The following MAGI2 variants were observed in gnomAD, a reference collection of about 807,000 sequenced individuals.
MAGI2 encodes membrane associated guanylate kinase, WW and PDZ domain containing 2, also known as membrane-associated guanylate kinase, WW and PDZ domain-containing protein 2.
Under a neutral mutation model 133.3 loss-of-function variants are expected in MAGI2, and 35 were observed. The ratio of observed to expected loss-of-function variants is 0.26; its 90% CI spans 0.20 to 0.35. MAGI2 has a LOEUF of 0.35. Among genes scored for constraint, MAGI2 ranks in the 10% least tolerant of loss-of-function variants. MAGI2 has a pLI of 1.00. For synonymous variants in MAGI2, 729 were observed against 710.6 expected, an observed-to-expected ratio of 1.03 and a Z score of -0.41; for missense variants, 1,636 against 1,863.4, an observed-to-expected ratio of 0.88 and a Z score of 2.25.
intron 4 of MAGI2, among the ~76,000 whole-genome samples, chr7:78,503,131 T>C (rs779208451): frequency 9.9e-5 from 15 of 152,056 alleles, no homozygotes; most frequent in Non-Finnish European, 1.8e-4. Flanking sequence ...GTAACATCTA[T>C]AGTAACTTGA....
At position 78,127,339 on chromosome 7, in the gene MAGI2, G is replaced by T; in HGVS notation, c.3281C>A (p.Pro1094His). ...TGGGGGTTGCCTGTAATCCAGCGGG[G>T]GCTGCCTGTAGTCTGTGAATGGAGG... ...RQPPFTDYRQ[P>H]PLDYRQPPGG... The change falls in exon 19 of 22, where the codon CCC (proline) becomes CAC (histidine). Residue 1094 changes from proline (P) to histidine (H), a missense_variant. Pro to His is a moderately conservative substitution (Grantham distance 77). Transcript: ENST00000354212. The T allele has an allele frequency of 1.2e-6, 2 of 1,610,938 alleles. No homozygotes were observed. Among genetic ancestry groups the T allele is most frequent in the South Asian group, 1.1e-5 (1 of 91,048 alleles).
At chr7:78,539,890 C>T (rs932401676) in intron 3 of MAGI2, among the ~76,000 whole-genome samples, 3 of 152,198 alleles carry the variant, frequency 2.0e-5, no homozygotes, top group African/African-American at 4.8e-5. Context: ...GAAGGTTTCA[C>T]GTGGACAGAC....
chr7:78,077,511 G>A (rs1815453182), intron 21 of MAGI2, among the ~76,000 whole-genome samples: 1 of 151,800 alleles, frequency 6.6e-6, no homozygotes, highest in African/African-American at 2.4e-5. Flanking sequence ...AGAAACTTCT[G>A]AATGCTTTTT....
chr7:78,079,826 C>T (rs1461411282), intron 20 of MAGI2, among the ~76,000 whole-genome samples: 4 of 152,094 alleles, frequency 2.6e-5, no homozygotes, highest in Admixed American at 1.3e-4. Context: ...TCCCTTTTGG[C>T]GTTTGTGAAT....
Position 79,305,989 on chromosome 7 carries a change from C to CT in MAGI2, c.301+147030dup, listed in dbSNP as rs765424561. ...ATTGAACTACATATTCCTGTAGTAT[C>CT]TTTTTTTTTTTTTTCCTTTTTGGAG... On this transcript the variant is annotated intron_variant, in intron 1 of 21. Coordinates refer to ENST00000354212, the MANE Select transcript of MAGI2 (RefSeq NM_012301.4). Among the ~76,000 whole-genome samples, 298 of 138,494 alleles carry CT rather than the reference C, an allele frequency of 2.2e-3. 1 individual carries two copies. Among genetic ancestry groups the CT allele is most frequent in the African/African-American group, 3.0e-3 (115 of 38,100 alleles). 90.9% of individuals were successfully genotyped at this position (138,494 alleles called of 152,430 possible). A position where few individuals can be genotyped will look rare whatever the true frequency, so the allele number is the denominator to read the frequency against.
chr7:79,224,060 T>C (rs1265160247), intron 1 of MAGI2, among the ~76,000 whole-genome samples: 1 of 152,072 alleles, frequency 6.6e-6, no homozygotes, highest in Non-Finnish European at 1.5e-5. Context: ...GCTAATAACA[T>C]TGGAAGTCTT....
chr7:78,906,801 C>T (rs1798022165), intron 2 of MAGI2, among the ~76,000 whole-genome samples: 1 of 152,156 alleles, frequency 6.6e-6, no homozygotes, highest in Non-Finnish European at 1.5e-5. Flanking sequence ...TACACACACA[C>T]ATACACACAT....
intron 6 of MAGI2, among the ~76,000 whole-genome samples, chr7:78,379,907 C>A (rs1013546416): frequency 1.3e-5 from 2 of 151,922 alleles, no homozygotes; most frequent in Non-Finnish European, 2.9e-5. Flanking sequence ...AAGAAAATTT[C>A]ATCTAGAAAT....
chr7:78,846,815 G>A (rs956138917), intron 2 of MAGI2, among the ~76,000 whole-genome samples: 1 of 151,962 alleles, frequency 6.6e-6, no homozygotes, highest in Non-Finnish European at 1.5e-5. Context: ...GCTCAGGAAA[G>A]TACTGAAACT....
At chr7:79,167,165 T>G (rs113767967) in intron 1 of MAGI2, among the ~76,000 whole-genome samples, 1 of 151,880 alleles carries the variant, frequency 6.6e-6, no homozygotes, top group Admixed American at 6.6e-5. Context: ...TATATAATTT[T>G]GTGGGGGTTG....
intron 2 of MAGI2, among the ~76,000 whole-genome samples, chr7:78,708,724 G>A (rs1464439142): frequency 6.6e-6 from 1 of 152,022 alleles, no homozygotes; most frequent in East Asian, 1.9e-4. Context: ...CTCCTAAGTG[G>A]TAAGCTCACC....
At chr7:79,160,784 A>G (rs1824275273) in intron 1 of MAGI2, among the ~76,000 whole-genome samples, 1 of 152,076 alleles carries the variant, frequency 6.6e-6, no homozygotes, top group Non-Finnish European at 1.5e-5. Context: ...CTTCATATGC[A>G]AGCCATATCA....
At chr7:78,619,234 TA>T (rs1285291600) in intron 3 of MAGI2, among the ~76,000 whole-genome samples, 4 of 151,782 alleles carry the variant, frequency 2.6e-5, no homozygotes, top group Non-Finnish European at 1.5e-5. Flanking sequence ...CAAGAGTTAG[TA>T]AATCATTGTA....
chr7:78,938,922 G>T (rs1014366679), intron 2 of MAGI2, among the ~76,000 whole-genome samples: 2 of 152,152 alleles, frequency 1.3e-5, no homozygotes, highest in Non-Finnish European at 2.9e-5. Flanking sequence ...GAGATTAAGA[G>T]AAGAGAGCCT....
chr7:78,124,787 A>C (rs1002071707), intron 20 of MAGI2, among the ~76,000 whole-genome samples: 1 of 152,142 alleles, frequency 6.6e-6, no homozygotes. Flanking sequence ...TTACCCATCA[A>C]TCAGATGCCT....
chr7:79,163,423 C>G (rs575739855), intron 1 of MAGI2, among the ~76,000 whole-genome samples: 1 of 152,200 alleles, frequency 6.6e-6, no homozygotes, highest in African/African-American at 2.4e-5. Flanking sequence ...ATCTGCCTGC[C>G]TCAGCCTCCC....
intron 2 of MAGI2, among the ~76,000 whole-genome samples, chr7:78,670,250 A>G (rs1309675880): frequency 6.6e-6 from 1 of 152,198 alleles, no homozygotes; most frequent in African/African-American, 2.4e-5. Context: ...CAATGTGCAG[A>G]AATCACAAGC....
intron 1 of MAGI2, among the ~76,000 whole-genome samples, chr7:79,308,238 T>C (rs1837976754): frequency 6.6e-6 from 1 of 152,198 alleles, no homozygotes; most frequent in African/African-American, 2.4e-5. Context: ...GTCATGGAAA[T>C]ATTGACGTTG....
chr7:78,061,064 A>T (rs1212568272), intron 21 of MAGI2, among the ~76,000 whole-genome samples: 1 of 150,772 alleles, frequency 6.6e-6, no homozygotes, highest in Non-Finnish European at 1.5e-5. Context: ...TACCTGGGAG[A>T]CTGAGGTGAG....
Sources: gnomAD v4.1 joint callset for allele counts (sites outside exome capture counted in the v4.1 genomes callset) on GRCh38, gnomAD v4.1.1 for gene constraint, MANE v1.5 for transcripts, NCBI Gene and HGNC (gene_info 2026-07-23, HGNC 2026-07-21) for gene names.